Variants in PCDHGA3 observed in about 807,000 individuals in gnomAD.
PCDHGA3 encodes the protein protocadherin gamma-A3.
In PCDHGA3, 40 loss-of-function variants were observed where a neutral mutation model predicts 58.5. The observed-to-expected ratio is 0.68, with a 90% CI of 0.53 to 0.89. The LOEUF is 0.89. Ranked by LOEUF, PCDHGA3 falls within the 40% of genes least tolerant of loss-of-function variation. PCDHGA3 has a pLI of 0.00. For missense variants in PCDHGA3, 1,223 were observed against 1,195.9 expected (o/e 1.02, Z -0.33); for synonymous variants, 530 against 525.7 (o/e 1.01, Z -0.11).
chr5:141,494,924 TGGGAGGAGATGGGGGAG>T, intron 2 of PCDHGA3, 59 bp downstream of exon 2: 1 of 1,613,498 alleles, frequency 6.2e-7, no homozygotes, highest in Admixed American at 1.7e-5. Flanking sequence ...AGGGATGACG[TGGGAGGAGATGGGGGAG>T]GGCCCAGCAT....
Position 141,486,170 on chromosome 5 carries a change from C to A in PCDHGA3, c.2425-8637C>A. ...TGGGGGTTCTCCAGCCATGGAGCAACATTGCAGCCTTCGAGTGGATCTGCT... is the reference window on the plus strand; with the variant it reads ...TGGGGGTTCTCCAGCCATGGAGCAAAATTGCAGCCTTCGAGTGGATCTGCT... On this transcript the variant is annotated intron_variant, in intron 1 of 3. Coordinates refer to ENST00000253812, the MANE Select transcript of PCDHGA3 (RefSeq NM_018916.4). This position sits in a 1 kb window ranked among gnomAD's most constrained non-coding sequence, Gnocchi z 5.0. 6.2e-7 allele frequency: 1 copy of A among 1,614,234 alleles called. No homozygotes were observed. Among genetic ancestry groups the A allele is most frequent in the African/African-American group, 1.3e-5 (1 of 75,052 alleles).
intron 1 of PCDHGA3, chr5:141,383,555 A>G: frequency 6.2e-7 from 1 of 1,611,868 alleles, no homozygotes; most frequent in East Asian, 2.2e-5. Context: ...GATGGCGGCG[A>G]CCCGCCCCGA....
chr5:141,360,463 G>T, intron 1 of PCDHGA3: 2 of 1,613,904 alleles, frequency 1.2e-6, no homozygotes, highest in Non-Finnish European at 8.5e-7. Flanking sequence ...CGATACTGTC[G>T]CTGAAAATCC....
chr5:141,496,103 C>G (rs779317844), intron 2 of PCDHGA3, among the ~76,000 whole-genome samples: 1 of 152,100 alleles, frequency 6.6e-6, no homozygotes, highest in Non-Finnish European at 1.5e-5. Flanking sequence ...ACCAACACCC[C>G]GCTCTCTTCC....
At position 141,410,204 on chromosome 5, in the gene PCDHGA3, T is replaced by C. The variant is rs1212919717; in HGVS notation, c.2424+63747T>C. 11 of 1,613,954 alleles carry C rather than the reference T, an allele frequency of 6.8e-6. No homozygotes were observed. In the South Asian group the frequency reaches 9.9e-5, roughly 14 times the overall value. Reference sequence around the variant, plus strand: ...GCTTCATCTGGTCTTCGCAGACAACTTGCAAGAGATACTGCCAGACCTCAG... The same window carrying C: ...GCTTCATCTGGTCTTCGCAGACAACCTGCAAGAGATACTGCCAGACCTCAG... On this transcript the variant is annotated intron_variant, in intron 1 of 3. Transcript: ENST00000253812.
intron 1 of PCDHGA3, chr5:141,366,742 G>T (rs762560261): frequency 1.2e-6 from 2 of 1,611,864 alleles, no homozygotes; most frequent in East Asian, 2.2e-5. Flanking sequence ...AAGAAGAACG[G>T]CGAGTTCAGG....
intron 1 of PCDHGA3, chr5:141,408,828 G>C: frequency 6.2e-7 from 1 of 1,613,614 alleles, no homozygotes; most frequent in East Asian, 2.2e-5. Context: ...AGATCTCATA[G>C]CTTGATATTG....
chr5:141,388,310 A>G, intron 1 of PCDHGA3: 1 of 1,613,880 alleles, frequency 6.2e-7, no homozygotes, highest in Non-Finnish European at 8.5e-7. Flanking sequence ...AGCTGCAAAT[A>G]AGTGAGTCTG....
chr5:141,360,370 C>A lies in PCDHGA3; in HGVS notation c.2424+13913C>A, dbSNP rs115198789. On this transcript the variant is annotated intron_variant, in intron 1 of 3. Coordinates refer to ENST00000253812, the MANE Select transcript of PCDHGA3 (RefSeq NM_018916.4). ...GGAGAAGGAATATTTCACAGTAAAC[C>A]CAGAAAGCGGAGACTTACTTGTGAG... The A allele has an allele frequency of 5.9e-5, 95 of 1,613,810 alleles. No homozygotes were observed. The highest frequency in any genetic ancestry group is 3.1e-4 in the African/African-American group (23 of 75,012).
chr5:141,422,061 A>G (rs1215523341), intron 1 of PCDHGA3: 3 of 1,612,074 alleles, frequency 1.9e-6, no homozygotes, highest in Non-Finnish European at 2.5e-6. Flanking sequence ...ACGGGGAAGT[A>G]ATGTATTCAT....
At chr5:141,456,148 C>G (rs1408257938) in intron 1 of PCDHGA3, among the ~76,000 whole-genome samples, 1 of 152,080 alleles carries the variant, frequency 6.6e-6, no homozygotes, top group African/African-American at 2.4e-5. Flanking sequence ...CCGCCCGCCT[C>G]GGCCTCCTAA....
intron 1 of PCDHGA3, among the ~76,000 whole-genome samples, chr5:141,430,358 C>T (rs2097275535): frequency 6.7e-6 from 1 of 149,028 alleles, no homozygotes; most frequent in South Asian, 2.1e-4. Flanking sequence ...TTTAAAAGCT[C>T]ATTGGGGAAA....
intron 1 of PCDHGA3, among the ~76,000 whole-genome samples, chr5:141,363,931 C>G (rs1415592577): frequency 6.6e-6 from 1 of 152,126 alleles, no homozygotes; most frequent in African/African-American, 2.4e-5. Flanking sequence ...GTATTGAGAT[C>G]TAATAATCAT....
Position 141,447,812 on chromosome 5 carries a change from G to A in PCDHGA3, c.2425-46995G>A, listed in dbSNP as rs557330895. 5.4e-4 allele frequency among the ~76,000 whole-genome samples: 82 copies of A among 152,254 alleles called. 1 individual carries two copies. The highest frequency in any genetic ancestry group is 1.3e-3 in the Admixed American group (20 of 15,294). On this transcript the variant is annotated intron_variant, in intron 1 of 3. Coordinates refer to ENST00000253812, the MANE Select transcript of PCDHGA3 (RefSeq NM_018916.4). ...TTTAAGAAAATAAAATTGGCTGGGC[G>A]TGGTGGCTCACGCCTGTAATCCCAG...
rs1167295957 is a variant in PCDHGA3 at position 141,382,977 on chromosome 5, CT to C, written c.2424+36521del. On this transcript the variant is annotated intron_variant, in intron 1 of 3. Coordinates refer to ENST00000253812, the MANE Select transcript of PCDHGA3 (RefSeq NM_018916.4). Reference sequence around the variant, plus strand: ...TCCTCCTGGGGACCCCCTGGGAAGCCTGGGCAGGACGTATTCTCTACTCCGT... The same window carrying C: ...TCCTCCTGGGGACCCCCTGGGAAGCCGGGCAGGACGTATTCTCTACTCCGT... The C allele has an allele frequency of 4.3e-6, 7 of 1,610,566 alleles. No homozygotes were observed. The South Asian group carries it at 7.7e-5, about 18-fold the overall frequency.
chr5:141,410,063 C>A lies in PCDHGA3; in HGVS notation c.2424+63606C>A. 1.9e-6 allele frequency: 3 copies of A among 1,612,972 alleles called. No homozygotes were observed. The South Asian group carries it at 3.3e-5, about 18-fold the overall frequency. On this transcript the variant is annotated intron_variant, in intron 1 of 3. Coordinates refer to ENST00000253812, the MANE Select transcript of PCDHGA3 (RefSeq NM_018916.4). ...TGAGCCCGGACTCTTCAGCCTGGGG[C>A]TGCGCACTGGGGAGGTGCGCACGGC...
chr5:141,400,734 G>T, intron 1 of PCDHGA3: 1 of 634,546 alleles, frequency 1.6e-6, no homozygotes, highest in Non-Finnish European at 2.7e-6. Context: ...AAAGTAGTGA[G>T]AGTTTGCTCT....
chr5:141,357,757 G>A (rs932647509), intron 1 of PCDHGA3: 33 of 1,061,794 alleles, frequency 3.1e-5, no homozygotes, highest in Non-Finnish European at 4.0e-5. Flanking sequence ...AAAACTGGTG[G>A]ATGACCTTCC....
At chr5:141,409,424 G>A in intron 1 of PCDHGA3, 1 of 1,613,998 alleles carries the variant, frequency 6.2e-7, no homozygotes, top group Non-Finnish European at 8.5e-7. Context: ...GGTGACAGAT[G>A]GAGCCCTGGA....
Sources: allele counts gnomAD v4.1 joint callset (sites outside exome capture counted in the v4.1 genomes callset), GRCh38; gene constraint gnomAD v4.1.1; non-coding constraint Gnocchi (gnomAD v3.1); transcripts MANE v1.5; gene names NCBI Gene and HGNC (gene_info 2026-07-23, HGNC 2026-07-21).